KTN1: variants seen among roughly 807,000 people sequenced by gnomAD.
The protein encoded by KTN1 is kinectin.
Under a neutral mutation model 222.5 loss-of-function variants are expected in KTN1, and 130 were observed. That is an observed-to-expected ratio of 0.58 (90% CI 0.51 to 0.68). KTN1 has a LOEUF of 0.68. Ranked by LOEUF, KTN1 falls within the 30% of genes least tolerant of loss-of-function variation. The pLI, the probability that KTN1 is intolerant of heterozygous loss-of-function variation, is 0.00. For missense variants in KTN1, 1,508 were observed against 1,500.4 expected (o/e 1.01, Z -0.08); for synonymous variants, 512 against 496.3 (o/e 1.03, Z -0.42).
At chr14:55,586,427 C>G (rs1405536741) in intron 1 of KTN1, among the ~76,000 whole-genome samples, 1 of 152,118 alleles carries the variant, frequency 6.6e-6, no homozygotes, top group Non-Finnish European at 1.5e-5. Flanking sequence ...ATTATCATAT[C>G]ATATCATATT....
chr14:55,650,520 A>T, intron 23 of KTN1, 49 bp from the exon 24 acceptor site: 3 of 1,539,940 alleles, frequency 1.9e-6, no homozygotes, highest in Admixed American at 3.4e-5. Flanking sequence ...ATTTTATGTC[A>T]ATTTCTGTGT....
At chr14:55,647,067 T>A in intron 19 of KTN1, 60 bp downstream of exon 19, 1 of 1,010,450 alleles carries the variant, frequency 9.9e-7, no homozygotes, top group Non-Finnish European at 1.5e-6. Context: ...TTAACTACAT[T>A]AATTAGAGTT....
In KTN1 at chr14:55,631,341, G is replaced by GAGATAT. The variant is rs71448461; in HGVS notation, c.1221+1245_1221+1246insGATATA. ...CTAAAACTCACCTATTGATAAGGTTGATATATATATATATATATATATATA... is the reference window on the plus strand; with the variant it reads ...CTAAAACTCACCTATTGATAAGGTTGAGATATATATATATATATATATATATATATA... On this transcript the variant is annotated intron_variant, in intron 7 of 43. Transcript: ENST00000395314. 5.2e-4 allele frequency among the ~76,000 whole-genome samples: 60 copies of GAGATAT among 114,706 alleles called. 2 individuals carry two copies. Among genetic ancestry groups the GAGATAT allele is most frequent in the African/African-American group, 2.0e-3 (55 of 27,518 alleles). 75.3% of individuals were successfully genotyped at this position (114,706 alleles called of 152,430 possible). A position where few individuals can be genotyped will look rare whatever the true frequency, so the allele number is the denominator to read the frequency against.
chr14:55,641,920 T>G (rs1323053574), intron 18 of KTN1, among the ~76,000 whole-genome samples, 160 bp downstream of exon 18: 2 of 152,166 alleles, frequency 1.3e-5, no homozygotes, highest in African/African-American at 4.8e-5. Context: ...TCAGGAAATT[T>G]TTTCTCCCTG....
At chr14:55,671,446 T>C (rs550134953) in intron 35 of KTN1, 120 bp from the exon 36 acceptor site, 1 of 660,934 alleles carries the variant, frequency 1.5e-6, no homozygotes, top group African/African-American at 1.8e-5. Context: ...AAATGTAGTG[T>C]TTCCTTATAA....
At chr14:55,605,840 AC>A (rs965651530) in intron 1 of KTN1, among the ~76,000 whole-genome samples, 21 of 152,306 alleles carry the variant, frequency 1.4e-4, no homozygotes, top group Admixed American at 7.2e-4. Context: ...TTGTATCTAA[AC>A]CTTTTGCAGA....
At chr14:55,618,789 A>G (rs1175386776) in intron 4 of KTN1, among the ~76,000 whole-genome samples, 1 of 152,196 alleles carries the variant, frequency 6.6e-6, no homozygotes, top group Non-Finnish European at 1.5e-5. Context: ...AATTTGGCTT[A>G]ATATCTCTCA....
chr14:55,583,912 A>G lies in KTN1; in HGVS notation c.-31+3558A>G, dbSNP rs569986186. 7.7e-4 allele frequency among the ~76,000 whole-genome samples: 118 copies of G among 152,292 alleles called. 1 individual carries two copies. The highest frequency in any genetic ancestry group is 2.6e-3 in the African/African-American group (108 of 41,552). ...CTGACTTATTTCTTTCACACTTGGC[A>G]TTCTGTGCTCTGTCTTATCTTGAAA... On this transcript the variant is annotated intron_variant, in intron 1 of 43. Coordinates refer to ENST00000395314, the MANE Select transcript of KTN1 (RefSeq NM_001079521.2).
intron 12 of KTN1, 22 bp from the exon 13 acceptor site, chr14:55,639,163 T>G (rs760202947): frequency 5.2e-6 from 8 of 1,545,610 alleles, no homozygotes; most frequent in Admixed American, 5.0e-5. Flanking sequence ...ACTTTTATGT[T>G]GACACTATTT....
chr14:55,620,684 C>T (rs927459455), intron 5 of KTN1, among the ~76,000 whole-genome samples: 5 of 152,182 alleles, frequency 3.3e-5, no homozygotes, highest in East Asian at 1.9e-4. Flanking sequence ...GGTTGCAGGA[C>T]ACCAAGTCCC....
At chr14:55,645,507 G>T (rs1408333432) in intron 18 of KTN1, among the ~76,000 whole-genome samples, 1 of 152,178 alleles carries the variant, frequency 6.6e-6, no homozygotes, top group African/African-American at 2.4e-5. Context: ...TGGTTAAGGT[G>T]CAGGTAACTT....
At chr14:55,605,771 G>T (rs770121570) in intron 1 of KTN1, among the ~76,000 whole-genome samples, 8 of 152,148 alleles carry the variant, frequency 5.3e-5, no homozygotes, top group Non-Finnish European at 1.2e-4. Context: ...CACGCATACT[G>T]TATTTGAAGG....
At chr14:55,648,680 G>T in intron 20 of KTN1, 122 bp from the exon 21 acceptor site, 1 of 691,744 alleles carries the variant, frequency 1.4e-6, no homozygotes. Context: ...AAAAAAGTGA[G>T]AGTTTTGGGC....
intron 5 of KTN1, among the ~76,000 whole-genome samples, chr14:55,622,142 C>T (rs7145064): frequency 0.063 from 9,632 of 152,100 alleles, 395 homozygotes; most frequent in South Asian, 0.09. Context: ...CCACCGTGCC[C>T]GGCCAGATTT....
rs138604609 is a variant in KTN1 at position 55,627,855 on chromosome 14, A to G, written c.964-57A>G. On this transcript the variant is annotated intron_variant, in intron 5 of 43. Coordinates refer to ENST00000395314, the MANE Select transcript of KTN1 (RefSeq NM_001079521.2). ...TATATGTGCCACATTTCATTTTCAT[A>G]ATTTTTATTAGCCCATGGTAACTAT... 1.0e-4 allele frequency: 106 copies of G among 1,016,112 alleles called. 1 individual carries two copies. In the East Asian group the frequency reaches 2.3e-3, roughly 22 times the overall value. 62.9% of individuals were successfully genotyped at this position (1,016,112 alleles called of 1,614,324 possible). A position where few individuals can be genotyped will look rare whatever the true frequency, so the allele number is the denominator to read the frequency against.
At chr14:55,617,586 A>G (rs1283870928) in intron 3 of KTN1, among the ~76,000 whole-genome samples, 2 of 152,216 alleles carry the variant, frequency 1.3e-5, no homozygotes, top group African/African-American at 2.4e-5. Flanking sequence ...AACTACAGTA[A>G]GTTGGTAAAG....
intron 4 of KTN1, among the ~76,000 whole-genome samples, chr14:55,618,352 A>C (rs2038679145): frequency 6.6e-6 from 1 of 152,260 alleles, no homozygotes; most frequent in Middle Eastern, 3.4e-3. Flanking sequence ...CTATTTTGCT[A>C]TCTGATGATT....
At chr14:55,671,902 G>A (rs781765890) in intron 37 of KTN1, 25 bp downstream of exon 37, 6 of 1,366,390 alleles carry the variant, frequency 4.4e-6, no homozygotes, top group Non-Finnish European at 6.3e-6. Flanking sequence ...AAAGCTTAGA[G>A]CAGTGGTTCT....
Position 55,598,304 on chromosome 14 carries a change from G to A in KTN1, c.-30-13715G>A, listed in dbSNP as rs1302785249. On this transcript the variant is annotated intron_variant, in intron 1 of 43. Coordinates refer to ENST00000395314, the MANE Select transcript of KTN1 (RefSeq NM_001079521.2). ...CAAAAAATTAGCCGGGCGTGTTGGCGGGCGCCTGTAGTCCCAGCTACTCTG... is the reference window on the plus strand; with the variant it reads ...CAAAAAATTAGCCGGGCGTGTTGGCAGGCGCCTGTAGTCCCAGCTACTCTG... Among the ~76,000 whole-genome samples, 4 of 152,026 alleles carry A rather than the reference G, an allele frequency of 2.6e-5. No homozygotes were observed. The East Asian group carries it at 7.8e-4, about 29-fold the overall frequency.
Sources: gnomAD v4.1 joint callset for allele counts (sites outside exome capture counted in the v4.1 genomes callset) on GRCh38, gnomAD v4.1.1 for gene constraint, MANE v1.5 for transcripts, NCBI Gene and HGNC (gene_info 2026-07-23, HGNC 2026-07-21) for gene names.